CPPED1: variants seen among roughly 807,000 people sequenced by gnomAD.
CPPED1 encodes serine/threonine-protein phosphatase CPPED1.
Under a neutral mutation model 28.0 loss-of-function variants are expected in CPPED1, and 28 were observed. That is an observed-to-expected ratio of 1.00 (90% CI 0.74 to 1.37). CPPED1 has a LOEUF of 1.37. CPPED1 is among the 40% of genes most tolerant of loss of function. The pLI is 0.00. For synonymous variants in CPPED1, 198 were observed against 180.2 expected, an observed-to-expected ratio of 1.10 and a Z score of -0.79; for missense variants, 504 against 416.5, an observed-to-expected ratio of 1.21 and a Z score of -1.83.
intron 2 of CPPED1, among the ~76,000 whole-genome samples, chr16:12,770,402 C>A (rs188254244): frequency 9.4e-4 from 143 of 152,330 alleles, no homozygotes; most frequent in Admixed American, 1.9e-3. Context: ...AATCCCCATC[C>A]ACAGAACGCA....
At chr16:12,800,648 T>C (rs1226702425) in intron 1 of CPPED1, among the ~76,000 whole-genome samples, 1 of 152,162 alleles carries the variant, frequency 6.6e-6, no homozygotes, top group Non-Finnish European at 1.5e-5. Flanking sequence ...CTCTTGATGC[T>C]ATTAGGACAC....
chr16:12,684,043 T>C (rs769602902), intron 3 of CPPED1, among the ~76,000 whole-genome samples: 8 of 152,194 alleles, frequency 5.3e-5, no homozygotes, highest in Non-Finnish European at 1.2e-4. Flanking sequence ...AAAGCCTTTC[T>C]GGAAGCCCCA....
chr16:12,799,848 T>C (rs1184730175), intron 1 of CPPED1, among the ~76,000 whole-genome samples: 2 of 152,250 alleles, frequency 1.3e-5, no homozygotes, highest in Admixed American at 6.5e-5. Context: ...TGGGACTGCA[T>C]GGCTCACAGA....
At chr16:12,692,230 C>T (rs1310969435) in intron 3 of CPPED1, among the ~76,000 whole-genome samples, 1 of 152,134 alleles carries the variant, frequency 6.6e-6, no homozygotes, top group Non-Finnish European at 1.5e-5. Context: ...CCACTGGTGG[C>T]ACTTCACAGA....
intron 2 of CPPED1, among the ~76,000 whole-genome samples, chr16:12,742,655 A>C (rs938851850): frequency 3.9e-5 from 6 of 152,186 alleles, no homozygotes; most frequent in Non-Finnish European, 8.8e-5. Context: ...ATGGATGTTC[A>C]GATGAAGACA....
chr16:12,700,165 GCT>G (rs1163482313), intron 3 of CPPED1, among the ~76,000 whole-genome samples: 1 of 152,236 alleles, frequency 6.6e-6, no homozygotes, highest in Non-Finnish European at 1.5e-5. Context: ...TTCGGGAAGG[GCT>G]CTCATCTCTC....
chr16:12,730,345 A>C (rs554481631), intron 2 of CPPED1, among the ~76,000 whole-genome samples: 2 of 152,294 alleles, frequency 1.3e-5, no homozygotes, highest in South Asian at 4.1e-4. Flanking sequence ...GGCAGCGAGA[A>C]AAGTCAAGAA....
At chr16:12,780,065 G>A (rs1596482513) in intron 2 of CPPED1, among the ~76,000 whole-genome samples, 1 of 152,112 alleles carries the variant, frequency 6.6e-6, no homozygotes, top group African/African-American at 2.4e-5. Flanking sequence ...TTTTTTCGGG[G>A]GAGACTGTCC....
intron 3 of CPPED1, among the ~76,000 whole-genome samples, chr16:12,703,925 C>T (rs1314374445): frequency 6.6e-6 from 1 of 152,056 alleles, no homozygotes; most frequent in Non-Finnish European, 1.5e-5. Flanking sequence ...AATGGAGGGT[C>T]TTCATTCTGT....
chr16:12,747,567 A>C (rs1305068612), intron 2 of CPPED1, among the ~76,000 whole-genome samples: 1 of 152,168 alleles, frequency 6.6e-6, no homozygotes, highest in African/African-American at 2.4e-5. Context: ...CCTTGTAGCT[A>C]TTAAATAAAT....
At chr16:12,768,822 A>T (rs2080453646) in intron 2 of CPPED1, among the ~76,000 whole-genome samples, 1 of 151,560 alleles carries the variant, frequency 6.6e-6, no homozygotes, top group Admixed American at 6.6e-5. Flanking sequence ...CTTGTTGCAG[A>T]TTAATTCAGG....
chr16:12,743,320 C>T (rs1299660397), intron 2 of CPPED1, among the ~76,000 whole-genome samples: 2 of 152,068 alleles, frequency 1.3e-5, no homozygotes, highest in Non-Finnish European at 2.9e-5. Flanking sequence ...GATCCTTATC[C>T]CCACCACACA....
At chr16:12,763,232 TGAAAAA>T (rs907951347) in intron 2 of CPPED1, among the ~76,000 whole-genome samples, 25 of 146,272 alleles carry the variant, frequency 1.7e-4, no homozygotes, top group Non-Finnish European at 3.3e-4. Context: ...GACTCCACCT[TGAAAAA>T]AAAAAAAAAG....
chr16:12,679,297 T>TA (rs1218487928), intron 3 of CPPED1, among the ~76,000 whole-genome samples: 1 of 152,260 alleles, frequency 6.6e-6, no homozygotes, highest in Non-Finnish European at 1.5e-5. Context: ...ATATTCTTTT[T>TA]ACTATTCCTT....
intron 1 of CPPED1, among the ~76,000 whole-genome samples, chr16:12,788,628 C>T (rs2080578311): frequency 6.6e-6 from 1 of 152,120 alleles, no homozygotes; most frequent in Admixed American, 6.6e-5. Flanking sequence ...CAAGGTCACA[C>T]AATAAAGACC....
In CPPED1 at chr16:12,773,342, A is replaced by G. The variant is rs536901615; in HGVS notation, c.289+7843T>C. Among the ~76,000 whole-genome samples, 21 of 152,360 alleles carry G rather than the reference A, an allele frequency of 1.4e-4. No individual in the cohort carries two copies. The East Asian group carries it at 3.9e-3, about 28-fold the overall frequency. ...GAGCATGTGTAAGTCTAAAGGAATA[A>G]TGGTTCTCCTGATATACACCATTAT... On this transcript the variant is annotated intron_variant, in intron 2 of 3. Coordinates refer to ENST00000381774, the MANE Select transcript of CPPED1 (RefSeq NM_018340.3).
intron 3 of CPPED1, among the ~76,000 whole-genome samples, chr16:12,678,658 T>G (rs1438234135): frequency 6.6e-6 from 1 of 152,228 alleles, no homozygotes; most frequent in Non-Finnish European, 1.5e-5. Flanking sequence ...TATTGTAAAT[T>G]GAATTATTTT....
At chr16:12,775,164 C>T (rs958572175) in intron 2 of CPPED1, among the ~76,000 whole-genome samples, 2 of 152,050 alleles carry the variant, frequency 1.3e-5, no homozygotes, top group African/African-American at 4.8e-5. Flanking sequence ...GCACACTCAG[C>T]CCCCTCCCCA....
intron 2 of CPPED1, among the ~76,000 whole-genome samples, chr16:12,756,979 A>C (rs2080373696): frequency 6.6e-6 from 1 of 152,186 alleles, no homozygotes; most frequent in South Asian, 2.1e-4. Flanking sequence ...CCCGTGAAAA[A>C]ACGTTTATCT....
Sources: gnomAD v4.1 joint callset for allele counts (sites outside exome capture counted in the v4.1 genomes callset) on GRCh38, gnomAD v4.1.1 for gene constraint, MANE v1.5 for transcripts, NCBI Gene and HGNC (gene_info 2026-07-23, HGNC 2026-07-21) for gene names.